Variants in EDEM3 observed in about 807,000 individuals in gnomAD.
EDEM3 encodes ER degradation enhancing alpha-mannosidase like protein 3.
Under a neutral mutation model 110.2 loss-of-function variants are expected in EDEM3, and 60 were observed. The ratio of observed to expected loss-of-function variants is 0.54; its 90% CI spans 0.44 to 0.67. The LOEUF (loss-of-function observed/expected upper bound fraction) is 0.67, where lower values mean the gene tolerates loss of function less well. EDEM3 is among the 30% of genes least tolerant of loss of function. The pLI is 0.00. For synonymous variants in EDEM3, 352 were observed against 382.9 expected (o/e 0.92, Z 0.94); for missense variants, 996 against 1,121.0 (o/e 0.89, Z 1.59).
intron 2 of EDEM3, among the ~76,000 whole-genome samples, chr1:184,747,252 C>T (rs906975936): frequency 1.3e-5 from 2 of 152,166 alleles, no homozygotes; most frequent in Non-Finnish European, 2.9e-5. Context: ...GGTTAAATAA[C>T]CTGTTTAGGG....
chr1:184,754,369 C>T, intron 1 of EDEM3, 120 bp downstream of exon 1: 1 of 1,475,660 alleles, frequency 6.8e-7, no homozygotes, highest in South Asian at 1.3e-5. Context: ...GGTTCTCGCG[C>T]GGGAAGAGCC....
chr1:184,725,471 A>T (rs771782551), intron 7 of EDEM3, among the ~76,000 whole-genome samples: 1 of 152,124 alleles, frequency 6.6e-6, no homozygotes, highest in Admixed American at 6.6e-5. Flanking sequence ...AAGATTAACC[A>T]ACCAAACATG....
chr1:184,753,485 A>G (rs139938797), intron 1 of EDEM3, among the ~76,000 whole-genome samples: 1,781 of 140,222 alleles, frequency 0.013, 39 homozygotes, highest in African/African-American at 0.046. Flanking sequence ...GAGTGCTTTT[A>G]TTTTCTTAGG....
intron 8 of EDEM3, among the ~76,000 whole-genome samples, chr1:184,723,504 G>A (rs1315584254): frequency 6.6e-6 from 1 of 151,500 alleles, no homozygotes; most frequent in Non-Finnish European, 1.5e-5. Flanking sequence ...AAATTATAGC[G>A]TTTCATCTAC....
intron 6 of EDEM3, 106 bp downstream of exon 6, chr1:184,732,731 T>A: frequency 1.7e-6 from 2 of 1,150,952 alleles, no homozygotes; most frequent in East Asian, 2.6e-5. Context: ...AAGCATTTTT[T>A]TTTCAGCCTC....
At chr1:184,725,379 T>C (rs1186850829) in intron 7 of EDEM3, among the ~76,000 whole-genome samples, 1 of 152,124 alleles carries the variant, frequency 6.6e-6, no homozygotes, top group Non-Finnish European at 1.5e-5. Flanking sequence ...AGTGTAGTTA[T>C]TAAAGTATGC....
Position 184,694,086 on chromosome 1 carries a change from T to C in EDEM3, c.2776A>G (p.Met926Val). 1 of 1,612,704 alleles carries C rather than the reference T, an allele frequency of 6.2e-7. No individual in the cohort carries two copies. The highest frequency in any genetic ancestry group is 8.5e-7 in the Non-Finnish European group (1 of 1,179,234). ...AGTCATAGCTCATCCTTCTCCATCA[T>C]TTCAAATGCTTCTATATCTTCATTC... is the stretch of plus-strand genomic sequence containing the variant. ...DWNEDIEAFE[M>V]MEKDEL The change falls in exon 20 of 20, where the codon ATG becomes GTG. Residue 926 changes from methionine (M) to valine (V), a missense_variant. Met to Val is a conservative substitution (Grantham distance 21, BLOSUM62 1). This residue lies in a region of EDEM3 where 345 missense variants were observed against 402.0 expected (regional missense o/e 0.86). Coordinates refer to ENST00000318130, the MANE Select transcript of EDEM3 (RefSeq NM_025191.4).
chr1:184,717,018 A>G lies in EDEM3; in HGVS notation c.1246-6T>C, dbSNP rs747009770. 31 of 1,595,736 alleles carry G rather than the reference A, an allele frequency of 1.9e-5. No homozygotes were observed. Among genetic ancestry groups the G allele is most frequent in the Admixed American group, 8.4e-5 (5 of 59,562 alleles). On this transcript the variant is annotated splice_region_variant and splice_polypyrimidine_tract_variant and intron_variant, in intron 12 of 19. Transcript: ENST00000318130. ...TAGTAAGGATCTCCTGTAGCCTATTAAAAAGGAGAATATATGTATAATATA... is the reference window on the plus strand; with the variant it reads ...TAGTAAGGATCTCCTGTAGCCTATTGAAAAGGAGAATATATGTATAATATA...
chr1:184,743,580 G>A (rs1352421083), intron 2 of EDEM3, among the ~76,000 whole-genome samples: 1 of 152,050 alleles, frequency 6.6e-6, no homozygotes, highest in Non-Finnish European at 1.5e-5. Flanking sequence ...AACCACTCAA[G>A]TCAAAGCAGC....
rs538984430 is a variant in EDEM3 at position 184,737,836 on chromosome 1, T to G, written c.205-125A>C. Reference sequence around the variant, plus strand: ...CAAAAGTTGTACTAAATTTACACCCTGTGGAATCTTTTCAAAAATCTTTAA... The same window carrying G: ...CAAAAGTTGTACTAAATTTACACCCGGTGGAATCTTTTCAAAAATCTTTAA... On this transcript the variant is annotated intron_variant, in intron 2 of 19. Coordinates refer to ENST00000318130, the MANE Select transcript of EDEM3 (RefSeq NM_025191.4). 21 of 778,294 alleles carry G rather than the reference T, an allele frequency of 2.7e-5. No homozygotes were observed. In the Middle Eastern group the frequency reaches 1.9e-3, roughly 71 times the overall value. The allele number at this position is 778,294 out of a possible 1,614,324, so 48.2% of individuals were successfully genotyped here.
At chr1:184,751,165 T>C (rs1652744254) in intron 1 of EDEM3, among the ~76,000 whole-genome samples, 1 of 146,922 alleles carries the variant, frequency 6.8e-6, no homozygotes, top group Non-Finnish European at 1.5e-5. Context: ...TACATATATA[T>C]ATATGTTTAT....
Position 184,723,748 on chromosome 1 carries a change from T to A in EDEM3, c.853+3A>T, listed in dbSNP as rs1425533968. 4 of 1,588,392 alleles carry A rather than the reference T, an allele frequency of 2.5e-6. No homozygotes were observed. The East Asian group carries it at 9.1e-5, about 36-fold the overall frequency. ...CTTGATTTAAAAAGCCTAACTTACA[T>A]ACCTTTTCGTACCCAATCTCCAGTA... is the stretch of plus-strand genomic sequence containing the variant. On this transcript the variant is annotated splice_donor_region_variant and intron_variant, in intron 8 of 19. Transcript: ENST00000318130.
chr1:184,711,985 GGCGT>G, intron 14 of EDEM3, 108 bp from the exon 15 acceptor site: 6 of 810,866 alleles, frequency 7.4e-6, no homozygotes, highest in Non-Finnish European at 9.2e-6. Context: ...GCAGTGCAGT[GGCGT>G]AATCTCTGCT....
chr1:184,707,485 GAATC>G (rs1397120835), intron 17 of EDEM3, among the ~76,000 whole-genome samples: 2 of 152,192 alleles, frequency 1.3e-5, no homozygotes, highest in South Asian at 2.1e-4. Context: ...ACAGTTGAAT[GAATC>G]AATCAATCTA....
At chr1:184,730,343 A>G (rs1335990038) in intron 6 of EDEM3, among the ~76,000 whole-genome samples, 1 of 152,018 alleles carries the variant, frequency 6.6e-6, no homozygotes, top group Non-Finnish European at 1.5e-5. Flanking sequence ...GTACTTCAGA[A>G]GGCCAAGGTG....
At chr1:184,735,495 G>C (rs1274242638) in intron 4 of EDEM3, among the ~76,000 whole-genome samples, 1 of 152,110 alleles carries the variant, frequency 6.6e-6, no homozygotes, top group African/African-American at 2.4e-5. Context: ...ATGTTACCTA[G>C]AGCCTAAGTA....
chr1:184,736,044 C>T (rs1286391563), intron 4 of EDEM3, among the ~76,000 whole-genome samples: 1 of 152,128 alleles, frequency 6.6e-6, no homozygotes, highest in Non-Finnish European at 1.5e-5. Context: ...AAAAATGAAG[C>T]TGTGACTTTC....
chr1:184,740,462 T>C (rs1652074913), intron 2 of EDEM3, among the ~76,000 whole-genome samples: 1 of 152,208 alleles, frequency 6.6e-6, no homozygotes, highest in Admixed American at 6.5e-5. Flanking sequence ...AGCTCTTTAG[T>C]CCACAAATCA....
Position 184,733,006 on chromosome 1 carries a change from T to C in EDEM3, c.459-16A>G. ...CAAAAGACCCCTAGGATCACAGAGA[T>C]GAAACATTATCCATATCTTATAGAC... On this transcript the variant is annotated splice_polypyrimidine_tract_variant and intron_variant, in intron 5 of 19. Transcript: ENST00000318130. 1 of 1,611,842 alleles carries C rather than the reference T, an allele frequency of 6.2e-7. No individual in the cohort carries two copies. The highest frequency in any genetic ancestry group is 8.5e-7 in the Non-Finnish European group (1 of 1,178,842).
Sources: allele counts gnomAD v4.1 joint callset (sites outside exome capture counted in the v4.1 genomes callset), GRCh38; gene constraint gnomAD v4.1.1; regional missense constraint gnomAD v4.1.1; transcripts MANE v1.5; gene names NCBI Gene and HGNC (gene_info 2026-07-23, HGNC 2026-07-21).